The following ZNF207 variants were observed in gnomAD, a reference collection of about 807,000 sequenced individuals.
ZNF207 encodes the protein BUB3-interacting and GLEBS motif-containing protein ZNF207.
A neutral mutation model predicts 60.2 loss-of-function variants in ZNF207; 24 were observed. The observed-to-expected ratio is 0.40, with a 90% confidence interval of 0.29 to 0.56. The LOEUF (loss-of-function observed/expected upper bound fraction) is 0.56. Among genes scored for constraint, ZNF207 ranks in the 20% least tolerant of loss-of-function variants. ZNF207 has a pLI of 0.49. For synonymous variants in ZNF207, 236 were observed against 194.7 expected (o/e 1.21, Z -1.77); for missense variants, 452 against 636.6 (o/e 0.71, Z 3.12).
chr17:32,351,988 T>G, intron 2 of ZNF207, 76 bp downstream of exon 2: 1 of 1,429,862 alleles, frequency 7.0e-7, no homozygotes, highest in East Asian at 2.4e-5. Flanking sequence ...TTTTTATTTT[T>G]TTGAGTTTCG....
At chr17:32,360,241 T>C (rs1314621949) in intron 3 of ZNF207, among the ~76,000 whole-genome samples, 1 of 138,580 alleles carries the variant, frequency 7.2e-6, no homozygotes, top group Non-Finnish European at 1.5e-5. Flanking sequence ...TCCCAGCTAC[T>C]TGGGAGACTG....
rs1904843244 is a variant in ZNF207, at chr17:32,360,897, C to T, written c.481C>T (p.Pro161Ser). 1.2e-6 allele frequency: 2 copies of T among 1,614,074 alleles called. No individual in the cohort carries two copies. The highest frequency in any genetic ancestry group is 1.7e-5 in the Admixed American group (1 of 60,016). Residue 161 changes from proline (P) to serine (S), a missense_variant, in exon 5 of 12, where the codon CCT becomes TCT. This residue lies in a region of ZNF207 where 390 missense variants were observed against 461.4 expected (regional missense o/e 0.85). Transcript: ENST00000394670. ...ATTGAAATTCTTGCTTGTAGGCATA[C>T]CTCCATTAATGCCAGGTGTTCCTCC... ...PGAPGMPPGI[P>S]PLMPGVPPLM...
At chr17:32,361,665 A>G (rs1160225359) in intron 6 of ZNF207, 150 bp downstream of exon 6, 1 of 602,700 alleles carries the variant, frequency 1.7e-6, no homozygotes, top group Non-Finnish European at 2.7e-6. Flanking sequence ...AGGTCTCTTA[A>G]AGAAGGAAAA....
Position 32,352,799 on chromosome 17 carries a change from C to T in ZNF207, c.168+887C>T, listed in dbSNP as rs117435758. 6.2e-3 allele frequency among the ~76,000 whole-genome samples: 940 copies of T among 152,320 alleles called. 26 individuals carry two copies. The highest frequency in any genetic ancestry group is 0.043 in the East Asian group (224 of 5,190). On this transcript the variant is annotated intron_variant, in intron 2 of 11. Transcript: ENST00000394670. ...CAGCCTCATATTCCTGGGTTCTAGCCGTCTTCCTGCCTCGTTCTCCCAAAG... is the reference window on the plus strand; with the variant it reads ...CAGCCTCATATTCCTGGGTTCTAGCTGTCTTCCTGCCTCGTTCTCCCAAAG...
chr17:32,351,428 T>G, intron 1 of ZNF207: 1 of 1,324,160 alleles, frequency 7.6e-7, no homozygotes, highest in Non-Finnish European at 9.7e-7. Context: ...TGACAGAACC[T>G]TAGGGATTTC....
chr17:32,351,416 C>G lies in ZNF207; in HGVS notation c.42-370C>G, dbSNP rs905633429. Reference sequence around the variant, plus strand: ...TCTTCATATCTAGTGAAGTAATTGTCTTGACAGAACCTTAGGGATTTCTTA... The same window carrying G: ...TCTTCATATCTAGTGAAGTAATTGTGTTGACAGAACCTTAGGGATTTCTTA... On this transcript the variant is annotated intron_variant, in intron 1 of 11. Transcript: ENST00000394670. 6.2e-6 allele frequency: 8 copies of G among 1,283,064 alleles called. No individual in the cohort carries two copies. In the African/African-American group the frequency reaches 1.1e-4, roughly 17 times the overall value. The allele number at this position is 1,283,064 out of a possible 1,614,324, so 79.5% of individuals were successfully genotyped here.
chr17:32,361,027 T>C, intron 5 of ZNF207, 60 bp downstream of exon 5: 1 of 1,542,154 alleles, frequency 6.5e-7, no homozygotes, highest in Non-Finnish European at 8.9e-7. Flanking sequence ...TTTTTCAATT[T>C]GGATGTTATA....
intron 7 of ZNF207, 98 bp from the exon 8 acceptor site, chr17:32,365,232 T>A (rs527267285): frequency 7.7e-7 from 1 of 1,296,228 alleles, no homozygotes. Flanking sequence ...GTCGAGTCAT[T>A]GAGCAGTTAA....
At chr17:32,360,517 A>G (rs1282798270) in intron 3 of ZNF207, 81 bp from the exon 4 acceptor site, 26 of 1,302,938 alleles carry the variant, frequency 2.0e-5, no homozygotes, top group Admixed American at 1.3e-4. Context: ...TTTTACCCAT[A>G]TATGTATTTT....
Position 32,379,411 on chromosome 17 carries a change from A to G in ZNF207, c.*9652A>G, listed in dbSNP as rs2150809012. 1 of 152,254 alleles carries G rather than the reference A, an allele frequency of 6.6e-6. No individual in the cohort carries two copies. Among genetic ancestry groups the G allele is most frequent in the South Asian group, 2.1e-4 (1 of 4,832 alleles). The allele number at this position is 152,254 out of a possible 1,614,324, so 9.4% of individuals were successfully genotyped here. A position where few individuals can be genotyped will look rare whatever the true frequency, so the allele number is the denominator to read the frequency against. ...TTCACTTTTTTCTGACCTTCACTTA[A>G]CAGACTATAAATACAAAAACTTTGA... On this transcript the variant is annotated 3_prime_UTR_variant, in exon 12 of 12. Coordinates refer to ENST00000394670, the MANE Select transcript of ZNF207 (RefSeq NM_001098507.2).
At chr17:32,356,413 A>G (rs1332409781) in intron 2 of ZNF207, among the ~76,000 whole-genome samples, 2 of 152,220 alleles carry the variant, frequency 1.3e-5, no homozygotes, top group Non-Finnish European at 2.9e-5. Flanking sequence ...GTCACTTGTT[A>G]AGCCGCTTTA....
In ZNF207 at chr17:32,369,908, T is replaced by C. The variant is rs533085369; in HGVS notation, c.*149T>C. The C allele has an allele frequency of 1.1e-6, 1 of 906,668 alleles. No homozygotes were observed. The highest frequency in any genetic ancestry group is 1.7e-5 in the African/African-American group (1 of 58,118). 56.2% of individuals were successfully genotyped at this position (906,668 alleles called of 1,614,324 possible). On this transcript the variant is annotated 3_prime_UTR_variant, in exon 12 of 12. Coordinates refer to ENST00000394670, the MANE Select transcript of ZNF207 (RefSeq NM_001098507.2). ...ACCAGGAACTATTGGACATTTATTT[T>C]ACATGGGAAAAATTATTTGGAATAA...
At position 32,366,773 on chromosome 17, in the gene ZNF207, C is replaced by T. The variant is rs1290593790; in HGVS notation, c.921+16C>T. The T allele has an allele frequency of 1.9e-6, 3 of 1,585,888 alleles. No homozygotes were observed. The highest frequency in any genetic ancestry group is 1.4e-5 in the African/African-American group (1 of 73,124). ...CACAGCACAAGTACGCAGGAAGTTG[C>T]AGTTTAAAATTGTTAAAATGGCTTT... is the stretch of plus-strand genomic sequence containing the variant. On this transcript the variant is annotated intron_variant, in intron 9 of 11. Coordinates refer to ENST00000394670, the MANE Select transcript of ZNF207 (RefSeq NM_001098507.2).
intron 3 of ZNF207, among the ~76,000 whole-genome samples, chr17:32,359,421 A>AT (rs888423554): frequency 4.1e-5 from 6 of 147,190 alleles, no homozygotes; most frequent in South Asian, 2.2e-4. Context: ...TAGTTTTTAT[A>AT]TTTTTTAGTA....
intron 2 of ZNF207, among the ~76,000 whole-genome samples, chr17:32,354,683 G>C (rs912642548): frequency 2.0e-5 from 3 of 151,682 alleles, no homozygotes; most frequent in African/African-American, 7.3e-5. Context: ...GCGTGATCTC[G>C]GCTCACCGCA....
In ZNF207 at chr17:32,369,352, G is replaced by A. The variant is rs1905358603; in HGVS notation, c.1222G>A (p.Ala408Thr). The A allele has an allele frequency of 1.9e-6, 3 of 1,613,944 alleles. No homozygotes were observed. Among genetic ancestry groups the A allele is most frequent in the East Asian group, 2.2e-5 (1 of 44,884 alleles). ...ACGTAATCTTCCTCGGCCAGGACAGGCCCCCATCGGTAATCCACCAGTTGG... is the reference window on the plus strand; with the variant it reads ...ACGTAATCTTCCTCGGCCAGGACAGACCCCCATCGGTAATCCACCAGTTGG... Reference protein sequence around the residue: ...YQRNLPRPGQAPIGNPPVGPI... With the variant: ...YQRNLPRPGQTPIGNPPVGPI... The change falls in exon 11 of 12, where the codon GCC (alanine) becomes ACC (threonine). Residue 408 changes from alanine to threonine, a missense_variant. Ala to Thr is a moderately conservative substitution (Grantham distance 58). Coordinates refer to ENST00000394670, the MANE Select transcript of ZNF207 (RefSeq NM_001098507.2).
In ZNF207 at chr17:32,368,067, C is replaced by T. The variant is rs181743151; in HGVS notation, c.1164+53C>T. 1.0e-4 allele frequency: 163 copies of T among 1,599,332 alleles called. 1 individual carries two copies. The African/African-American group carries it at 1.8e-3, about 17-fold the overall frequency. On this transcript the variant is annotated intron_variant, in intron 10 of 11. Transcript: ENST00000394670. The stretch of plus-strand genomic sequence containing the variant: ...AGCATTTGATTTAAAGCCATTATAG[C>T]AGTTCGTCCCTTTAAAATAAGTGTT...
At position 32,367,918 on chromosome 17, in the gene ZNF207, A is replaced by C; in HGVS notation, c.1068A>C (p.Ala356=). Reference sequence around the variant, plus strand: ...CAACTAGTACAACAAATAGTACTGCAGCTAAACCAGCGGCTTCAATAACAA... The same window carrying C: ...CAACTAGTACAACAAATAGTACTGCCGCTAAACCAGCGGCTTCAATAACAA... ...ASTTSTTNST[A]AKPAASITSK... is the part of the protein sequence containing the mutation. The change falls in exon 10 of 12, where the codon GCA becomes GCC. Residue 356 remains alanine, a synonymous_variant. Transcript: ENST00000394670. 1 of 1,614,206 alleles carries C rather than the reference A, an allele frequency of 6.2e-7. No homozygotes were observed. Among genetic ancestry groups the C allele is most frequent in the Non-Finnish European group, 8.5e-7 (1 of 1,180,038 alleles).
intron 6 of ZNF207, 56 bp downstream of exon 6, chr17:32,361,571 T>C: frequency 1.3e-6 from 2 of 1,517,462 alleles, no homozygotes; most frequent in Non-Finnish European, 1.8e-6. Context: ...GTCATTTTTT[T>C]ATGTGTGTGT....
Sources: gnomAD v4.1 joint callset for allele counts (sites outside exome capture counted in the v4.1 genomes callset) on GRCh38, gnomAD v4.1.1 for gene constraint, gnomAD v4.1.1 regional missense constraint, MANE v1.5 for transcripts, NCBI Gene and HGNC (gene_info 2026-07-23, HGNC 2026-07-21) for gene names.